RASGRF1: variants seen among roughly 807,000 people sequenced by gnomAD.
RASGRF1 encodes Ras protein specific guanine nucleotide releasing factor 1.
A neutral mutation model predicts 138.7 loss-of-function variants in RASGRF1; 40 were observed. That is an observed-to-expected ratio of 0.29 (90% CI 0.22 to 0.38). The LOEUF (loss-of-function observed/expected upper bound fraction) is 0.38. Among genes scored for constraint, RASGRF1 ranks in the 10% least tolerant of loss-of-function variants. The pLI, the probability that RASGRF1 is intolerant of heterozygous loss-of-function variation, is 1.00. For missense variants in RASGRF1, 1,108 were observed against 1,650.4 expected (o/e 0.67, Z 5.69); for synonymous variants, 614 against 663.2 (o/e 0.93, Z 1.14).
Position 78,973,464 on chromosome 15 carries a change from A to T in RASGRF1, c.3495-44T>A. 7.0e-7 allele frequency: 1 copy of T among 1,428,068 alleles called. No individual in the cohort carries two copies. Among genetic ancestry groups the T allele is most frequent in the Non-Finnish European group, 9.8e-7 (1 of 1,020,052 alleles). 88.5% of individuals were successfully genotyped at this position (1,428,068 alleles called of 1,614,324 possible). ...TAACACAAGTTTTTCATTTTAAAAA[A>T]GTAACGTCTACCAAGAACAGAACAT... On this transcript the variant is annotated intron_variant, in intron 24 of 26. Transcript: ENST00000558480. This position sits in a 1 kb window ranked among gnomAD's most constrained non-coding sequence, Gnocchi z 4.9.
In RASGRF1 at chr15:79,027,853, C is replaced by T; in HGVS notation, c.1269G>A (p.Met423Ile). Residue 423 changes from methionine to isoleucine, a missense_variant, in exon 9 of 27, where the codon ATG (methionine) becomes ATA (isoleucine). Physicochemically the swap from Met to Ile is conservative, Grantham distance 10 (BLOSUM62 1). This residue lies in a region of RASGRF1 where 169 missense variants were observed against 344.2 expected (regional missense o/e 0.49). Coordinates refer to ENST00000558480, the MANE Select transcript of RASGRF1 (RefSeq NM_001145648.3). This position sits in a 1 kb window ranked among gnomAD's most constrained non-coding sequence, Gnocchi z 4.8. ...TCTCCGTCTCACTTACTTCATCGTG[C>T]ATTATTCTGTGGGGATGGGAAACTG... ...KSKLEELSRI[M>I]HDEVSETENI... 6.2e-7 allele frequency: 1 copy of T among 1,614,190 alleles called. No individual in the cohort carries two copies. The highest frequency in any genetic ancestry group is 8.5e-7 in the Non-Finnish European group (1 of 1,180,018).
intron 1 of RASGRF1, among the ~76,000 whole-genome samples, chr15:79,084,799 C>G (rs1273923843): frequency 6.6e-6 from 1 of 152,232 alleles, no homozygotes; most frequent in Non-Finnish European, 1.5e-5. Context: ...GCTCTCCCCT[C>G]TCTACTGGTG....
At chr15:79,004,223 GC>G (rs2056619072) in intron 14 of RASGRF1, 48 bp from the exon 15 acceptor site, 12 of 1,506,838 alleles carry the variant, frequency 8.0e-6, no homozygotes, top group Non-Finnish European at 9.7e-6. Flanking sequence ...AGGCCTGCCT[GC>G]CCGCCTAGGC....
At position 79,090,695 on chromosome 15, in the gene RASGRF1, C is replaced by A. The variant is rs950844495; in HGVS notation, c.-197G>T. The A allele has an allele frequency of 1.4e-6, 1 of 708,126 alleles. No individual in the cohort carries two copies. 43.9% of individuals were successfully genotyped at this position (708,126 alleles called of 1,614,324 possible). On this transcript the variant is annotated 5_prime_UTR_variant, in exon 1 of 27. Transcript: ENST00000558480. ...TTGAATCCAGATATACCATTCCCCG[C>A]TGGAACCTCTTCTCCGCTCCGCAGA...
At chr15:78,989,465 T>C (rs2056226011) in intron 22 of RASGRF1, among the ~76,000 whole-genome samples, 1 of 151,678 alleles carries the variant, frequency 6.6e-6, no homozygotes, top group African/African-American at 2.4e-5. Context: ...TTAAAGAGAA[T>C]GTTTAATTAA....
At chr15:79,039,296 CAAAAA>C (rs71148587) in intron 5 of RASGRF1, among the ~76,000 whole-genome samples, 2 of 50,370 alleles carry the variant, frequency 4.0e-5, no homozygotes, top group African/African-American at 6.0e-5. Flanking sequence ...GACCCTGTCT[CAAAAA>C]AAAAAAAAAA....
At chr15:79,070,136 G>A (rs550252316) in intron 1 of RASGRF1, among the ~76,000 whole-genome samples, 74 of 152,292 alleles carry the variant, frequency 4.9e-4, no homozygotes, top group African/African-American at 1.6e-3. Flanking sequence ...TTCTGCTCAG[G>A]TCGCATTTGG....
At chr15:79,015,806 C>T (rs960061147) in intron 12 of RASGRF1, among the ~76,000 whole-genome samples, 19 of 152,206 alleles carry the variant, frequency 1.2e-4, no homozygotes, top group Admixed American at 8.5e-4. Context: ...TGGGATCTCT[C>T]TCCTGGGAGG....
chr15:78,990,544 T>C (rs2056247874), intron 21 of RASGRF1, among the ~76,000 whole-genome samples: 1 of 152,052 alleles, frequency 6.6e-6, no homozygotes, highest in Admixed American at 6.5e-5. Flanking sequence ...TCCTCACAGG[T>C]TTACTGGGAG....
intron 1 of RASGRF1, among the ~76,000 whole-genome samples, chr15:79,089,430 G>T (rs1355488682): frequency 6.6e-6 from 1 of 152,204 alleles, no homozygotes; most frequent in Non-Finnish European, 1.5e-5. Flanking sequence ...AGCCAGGCCT[G>T]GCTCTTCAGC....
intron 12 of RASGRF1, among the ~76,000 whole-genome samples, chr15:79,016,090 G>A (rs1041636424): frequency 2.0e-5 from 3 of 152,226 alleles, no homozygotes; most frequent in African/African-American, 7.2e-5. Context: ...TCTTGGGGGA[G>A]CTGCCTCTTT....
At chr15:79,016,633 G>A (rs2056882542) in intron 12 of RASGRF1, among the ~76,000 whole-genome samples, 1 of 152,230 alleles carries the variant, frequency 6.6e-6, no homozygotes, top group Non-Finnish European at 1.5e-5. Context: ...CTCAGGGTCT[G>A]CAGTTTTCTC....
At chr15:79,077,569 G>A (rs1057001900) in intron 1 of RASGRF1, among the ~76,000 whole-genome samples, 9 of 152,190 alleles carry the variant, frequency 5.9e-5, no homozygotes, top group African/African-American at 9.7e-5. Context: ...GCGTGGTGGG[G>A]AGGGGCTCAT....
At position 78,991,665 on chromosome 15, in the gene RASGRF1, A is replaced by G. The variant is rs563266714; in HGVS notation, c.3131+26T>C. 6.4e-6 allele frequency: 10 copies of G among 1,568,796 alleles called. 1 individual carries two copies. The South Asian group carries it at 1.1e-4, about 17-fold the overall frequency. ...AGACAGTGCCTGAGGAAGCGGGGGG[A>G]GGCGGGTGGTGCCTGCAACACTTAC... On this transcript the variant is annotated intron_variant, in intron 21 of 26. Transcript: ENST00000558480.
chr15:79,015,367 ATGCG>A lies in RASGRF1; in HGVS notation c.1782_1785del (p.Ala595LeufsTer12). 1.2e-6 allele frequency: 2 copies of A among 1,614,096 alleles called. No individual in the cohort carries two copies. Among genetic ancestry groups the A allele is most frequent in the Non-Finnish European group, 1.7e-6 (2 of 1,179,948 alleles). ...ACAGTGACCTTGGAATTTTCTTCAA[ATGCG>A]TTCATCATGAGCCCATTGCATCGGA... is the stretch of plus-strand genomic sequence containing the variant. On this transcript the variant is annotated frameshift_variant, in exon 13 of 27. Coordinates refer to ENST00000558480, the MANE Select transcript of RASGRF1 (RefSeq NM_001145648.3). LOFTEE classifies it high-confidence loss of function.
In RASGRF1 at chr15:79,050,236, C is replaced by T. The variant is rs374321919; in HGVS notation, c.532-648G>A. On this transcript the variant is annotated intron_variant, in intron 3 of 26. Transcript: ENST00000558480. The surrounding 1 kb of genome is among the most constrained non-coding windows in gnomAD (Gnocchi z 4.1). ...GACTCCTCTAGGTACCTCATCTAAG[C>T]GGAATCATGCACTATTTGTCTTTCT... 6.6e-5 allele frequency among the ~76,000 whole-genome samples: 10 copies of T among 152,262 alleles called. No homozygotes were observed. Among genetic ancestry groups the T allele is most frequent in the South Asian group, 4.1e-4 (2 of 4,820 alleles).
At chr15:79,000,505 G>A (rs1028661304) in intron 16 of RASGRF1, among the ~76,000 whole-genome samples, 4 of 152,126 alleles carry the variant, frequency 2.6e-5, no homozygotes, top group Non-Finnish European at 4.4e-5. Context: ...TCAAAAGGTG[G>A]ATATAAAGAT....
chr15:78,998,873 A>C (rs777569020), intron 17 of RASGRF1, 48 bp from the exon 18 acceptor site: 1 of 1,479,468 alleles, frequency 6.8e-7, no homozygotes, highest in Non-Finnish European at 9.5e-7. Flanking sequence ...GAGGACAAGA[A>C]ACAGAGCTTG....
intron 2 of RASGRF1, 84 bp from the exon 3 acceptor site, chr15:79,058,565 T>A (rs1245806565): frequency 6.5e-7 from 1 of 1,534,884 alleles, no homozygotes; most frequent in Non-Finnish European, 8.9e-7. Context: ...GGAGAGGGGC[T>A]CACCCACCCA....
Sources: allele counts gnomAD v4.1 joint callset (sites outside exome capture counted in the v4.1 genomes callset), GRCh38; gene constraint gnomAD v4.1.1; regional missense constraint gnomAD v4.1.1; non-coding constraint Gnocchi (gnomAD v3.1); transcripts MANE v1.5; gene names NCBI Gene and HGNC (gene_info 2026-07-23, HGNC 2026-07-21).